The following MBTPS2 variants were observed in gnomAD, a reference collection of about 807,000 sequenced individuals.
MBTPS2 encodes the protein membrane-bound transcription factor site-2 protease.
A neutral mutation model predicts 35.4 loss-of-function variants in MBTPS2; 2 were observed. The observed-to-expected ratio is 0.06, with a 90% CI of 0.02 to 0.18. MBTPS2 has a LOEUF of 0.18. MBTPS2 is among the 10% of genes least tolerant of loss of function. MBTPS2 has a pLI of 1.00. For synonymous variants in MBTPS2, 125 were observed against 140.4 expected (o/e 0.89, Z 0.77); for missense variants, 244 against 386.5 (o/e 0.63, Z 3.09).
chrX:21,876,340 G>A (rs1017969348), intron 7 of MBTPS2, among the ~76,000 whole-genome samples: 10 of 111,427 alleles, frequency 9.0e-5, no homozygotes, highest in Non-Finnish European at 1.9e-4. Flanking sequence ...CAGGTGGGTG[G>A]ATCACTTGAG....
intron 3 of MBTPS2, among the ~76,000 whole-genome samples, chrX:21,848,758 G>A (rs753557527): frequency 8.5e-4 from 95 of 111,500 alleles, no homozygotes; most frequent in African/African-American, 3.0e-3. Flanking sequence ...CTAGAGAAAG[G>A]ACACTTGGAA....
In MBTPS2 at chrX:21,874,458, G is replaced by A. The variant is rs962690090; in HGVS notation, c.971-3584G>A. Among the ~76,000 whole-genome samples, 5 of 111,405 alleles carry A rather than the reference G, an allele frequency of 4.5e-5. No individual in the cohort carries two copies. The Admixed American group carries it at 4.8e-4, about 11-fold the overall frequency. On this transcript the variant is annotated intron_variant, in intron 7 of 10. Coordinates refer to ENST00000379484, the MANE Select transcript of MBTPS2 (RefSeq NM_015884.4). ...TAGCTATGTGTTATATATTTAATAA[G>A]CTAGGGTAAGAAAATTGTTCAGTTC...
rs1444324291 is a variant in MBTPS2 at position 21,862,897 on chromosome X, T to A, written c.671-5570T>A. On this transcript the variant is annotated intron_variant, in intron 5 of 10. Transcript: ENST00000379484. The stretch of plus-strand genomic sequence containing the variant: ...ATATAAATATATATACACATATATA[T>A]AAACATATATAAATATATAAACATA... Among the ~76,000 whole-genome samples the A allele has an allele frequency of 4.1e-5, 3 of 73,721 alleles. No homozygotes were observed. The East Asian group carries it at 1.4e-3, about 34-fold the overall frequency. 64.0% of individuals were successfully genotyped at this position (73,721 alleles called of 115,157 possible). A position where few individuals can be genotyped will look rare whatever the true frequency, so the allele number is the denominator to read the frequency against.
intron 5 of MBTPS2, 52 bp from the exon 6 acceptor site, chrX:21,868,415 A>AT (rs1487232978): frequency 1.3e-6 from 1 of 770,633 alleles, no homozygotes; most frequent in East Asian, 3.2e-5. Context: ...CCAGCTACTT[A>AT]TATCATTCCT....
At chrX:21,872,771 C>G (rs1003183034) in intron 7 of MBTPS2, 1 of 107,733 alleles carries the variant, frequency 9.3e-6, no homozygotes, top group Admixed American at 1.0e-4. Context: ...ATTCTTTGTT[C>G]CTTCTCTATT....
intron 4 of MBTPS2, among the ~76,000 whole-genome samples, 180 bp downstream of exon 4, chrX:21,851,792 A>G (rs2092915030): frequency 8.9e-6 from 1 of 111,893 alleles, no homozygotes; most frequent in Admixed American, 9.5e-5. Flanking sequence ...GAGAAGATTA[A>G]TATGTTGATG....
At chrX:21,850,363 G>C (rs1250598254) in intron 3 of MBTPS2, among the ~76,000 whole-genome samples, 1 of 111,611 alleles carries the variant, frequency 9.0e-6, no homozygotes, top group Non-Finnish European at 1.9e-5. Context: ...GAAAAGACTA[G>C]AAGGACATAC....
rs978215609 is a variant in MBTPS2 at position 21,853,577 on chromosome X, A to G, written c.670+74A>G. 9.3e-6 allele frequency: 9 copies of G among 970,919 alleles called. No individual in the cohort carries two copies. The African/African-American group carries it at 1.7e-4, about 19-fold the overall frequency. The allele number at this position is 970,919 out of a possible 1,213,427, so 80.0% of individuals were successfully genotyped here. A position where few individuals can be genotyped will look rare whatever the true frequency, so the allele number is the denominator to read the frequency against. On this transcript the variant is annotated intron_variant, in intron 5 of 10. Transcript: ENST00000379484. The stretch of plus-strand genomic sequence containing the variant: ...ATTTTCTATGGTTAGTGCTTTTTGG[A>G]AAATATATCACAAATGACAATATCT...
In MBTPS2 at chrX:21,884,985, G is replaced by A; in HGVS notation, c.*2330G>A. On this transcript the variant is annotated 3_prime_UTR_variant, in exon 11 of 11. Coordinates refer to ENST00000379484, the MANE Select transcript of MBTPS2 (RefSeq NM_015884.4). The stretch of plus-strand genomic sequence containing the variant: ...AAAATGGATTATTTTGAGGATTGAA[G>A]AAAGTGTTCTTTCTGCGTTGTCACT... 1 of 751,194 alleles carries A rather than the reference G, an allele frequency of 1.3e-6. No homozygotes were observed. The highest frequency in any genetic ancestry group is 1.6e-6 in the Non-Finnish European group (1 of 636,369). The allele number at this position is 751,194 out of a possible 1,213,427, so 61.9% of individuals were successfully genotyped here.
chrX:21,851,599 A>G lies in MBTPS2; in HGVS notation c.529A>G (p.Ile177Val). ...TGTTGTACATGAAATTGGACATGGGATAGCAGCTATTAGGTAATGATATTT... is the reference window on the plus strand; with the variant it reads ...TGTTGTACATGAAATTGGACATGGGGTAGCAGCTATTAGGTAATGATATTT... ...SGVVHEIGHG[I>V]AAIREQVRFN... Residue 177 changes from isoleucine to valine, a missense_variant, in exon 4 of 11, where the codon ATA (isoleucine) becomes GTA (valine). By Grantham distance (29) the Ile-to-Val change is conservative. Coordinates refer to ENST00000379484, the MANE Select transcript of MBTPS2 (RefSeq NM_015884.4). 8.5e-7 allele frequency: 1 copy of G among 1,170,658 alleles called. No homozygotes were observed. Among genetic ancestry groups the G allele is most frequent in the Non-Finnish European group, 1.2e-6 (1 of 858,250 alleles).
chrX:21,861,919 C>T (rs12389421), intron 5 of MBTPS2, among the ~76,000 whole-genome samples: 11,369 of 111,798 alleles, frequency 0.1, 437 homozygotes, highest in East Asian at 0.12. Context: ...TTACTTGGAA[C>T]ATGTGTTAGC....
intron 5 of MBTPS2, among the ~76,000 whole-genome samples, chrX:21,861,443 C>T (rs1204770978): frequency 9.0e-6 from 1 of 111,325 alleles, no homozygotes; most frequent in Non-Finnish European, 1.9e-5. Context: ...TAGTAGGATA[C>T]CTTATAAATA....
chrX:21,860,024 C>T (rs1206239428), intron 5 of MBTPS2, among the ~76,000 whole-genome samples: 2 of 106,389 alleles, frequency 1.9e-5, no homozygotes, highest in African/African-American at 3.5e-5. Flanking sequence ...CTGGGGAAGT[C>T]GAGGCTGCGG....
chrX:21,863,083 CCT>C (rs1473386932), intron 5 of MBTPS2, among the ~76,000 whole-genome samples: 59 of 92,885 alleles, frequency 6.4e-4, no homozygotes, highest in Non-Finnish European at 1.1e-3. Context: ...TGGTGAAACC[CCT>C]GTCTCTAGAA....
rs2092960926 is a variant in MBTPS2 at position 21,882,931 on chromosome X, C to T, written c.*276C>T. 1 of 986,230 alleles carries T rather than the reference C, an allele frequency of 1.0e-6. No individual in the cohort carries two copies. The highest frequency in any genetic ancestry group is 4.4e-5 in the East Asian group (1 of 22,795). 81.3% of individuals were successfully genotyped at this position (986,230 alleles called of 1,213,427 possible). On this transcript the variant is annotated 3_prime_UTR_variant, in exon 11 of 11. Transcript: ENST00000379484. ...AATAATATCTAAGCAAGTGCAAATT[C>T]ATGTAATACCGTTTTGTCTGATTAC... is the stretch of plus-strand genomic sequence containing the variant.
chrX:21,867,417 A>G (rs1205358841), intron 5 of MBTPS2, among the ~76,000 whole-genome samples: 3 of 111,652 alleles, frequency 2.7e-5, no homozygotes, highest in African/African-American at 9.8e-5. Context: ...ACACACATAC[A>G]CAAAAATAAA....
At chrX:21,849,817 G>A (rs1368285225) in intron 3 of MBTPS2, among the ~76,000 whole-genome samples, 1 of 101,681 alleles carries the variant, frequency 9.8e-6, no homozygotes, top group Non-Finnish European at 2.0e-5. Flanking sequence ...ACGAGGTCAG[G>A]AGATTGAGAC....
At chrX:21,844,832 G>A (rs946262325) in intron 2 of MBTPS2, among the ~76,000 whole-genome samples, 1 of 112,337 alleles carries the variant, frequency 8.9e-6, no homozygotes, top group Admixed American at 9.4e-5. Context: ...GATGAAAAAG[G>A]ATGGATGTCT....
chrX:21,857,533 G>A (rs2092924839), intron 5 of MBTPS2: 1 of 1,212,047 alleles, frequency 8.3e-7, no homozygotes, highest in Non-Finnish European at 1.1e-6. Context: ...GTTTGCAACA[G>A]GAAGTTCGCT....
Sources: allele counts gnomAD v4.1 joint callset (sites outside exome capture counted in the v4.1 genomes callset), GRCh38; gene constraint gnomAD v4.1.1; transcripts MANE v1.5; gene names NCBI Gene and HGNC (gene_info 2026-07-23, HGNC 2026-07-21).